The following SLC5A4 variants were observed in gnomAD, a reference collection of about 807,000 sequenced individuals.
The protein encoded by SLC5A4 is solute carrier family 5 member 4.
In SLC5A4, 55 loss-of-function variants were observed where a neutral mutation model predicts 70.3. The observed-to-expected ratio is 0.78, with a 90% CI of 0.63 to 0.98. The LOEUF is 0.98. Ranked by LOEUF, SLC5A4 falls within the 50% of genes least tolerant of loss-of-function variation. The pLI, the probability that SLC5A4 is intolerant of heterozygous loss-of-function variation, is 0.00. For synonymous variants in SLC5A4, 268 were observed against 305.7 expected (o/e 0.88, Z 1.29); for missense variants, 735 against 839.2 (o/e 0.88, Z 1.53).
chr22:32,313,724 T>G, the SLC5A4 span, among the ~76,000 whole-genome samples: 1 of 152,192 alleles, frequency 6.6e-6, no homozygotes, highest in Non-Finnish European at 1.5e-5. Flanking sequence ...CACAACTACT[T>G]ACCTTCCCAG....
chr22:32,263,142 A>C, the SLC5A4 span, among the ~76,000 whole-genome samples: 1 of 151,728 alleles, frequency 6.6e-6, no homozygotes, highest in African/African-American at 2.4e-5. Flanking sequence ...AGTAGCTACA[A>C]GCATACACCA....
the SLC5A4 span, among the ~76,000 whole-genome samples, chr22:32,346,610 T>G: frequency 7.3e-6 from 1 of 136,546 alleles, no homozygotes; most frequent in Non-Finnish European, 1.5e-5. Context: ...GGGAAAGGAT[T>G]CCTTATTTAA....
the SLC5A4 span, among the ~76,000 whole-genome samples, chr22:32,304,122 G>A: frequency 6.6e-6 from 1 of 152,044 alleles, no homozygotes; most frequent in South Asian, 2.1e-4. Flanking sequence ...TTTTAATCAC[G>A]TTGTTTCCTT....
intron 5 of SLC5A4, among the ~76,000 whole-genome samples, chr22:32,242,503 T>A (rs1419723404): frequency 2.0e-5 from 3 of 151,700 alleles, no homozygotes; most frequent in African/African-American, 7.3e-5. Flanking sequence ...AGATCAGGAG[T>A]TCGAGACCAG....
At chr22:32,313,115 A>C in the SLC5A4 span, among the ~76,000 whole-genome samples, 1 of 152,240 alleles carries the variant, frequency 6.6e-6, no homozygotes, top group Non-Finnish European at 1.5e-5. Flanking sequence ...ATTGTGGATA[A>C]CTTACATAGA....
At chr22:32,264,260 T>C in the SLC5A4 span, among the ~76,000 whole-genome samples, 1,869 of 152,254 alleles carry the variant, frequency 0.012, 21 homozygotes, top group Non-Finnish European at 0.016. Flanking sequence ...TCTTTTTTTA[T>C]ATTAGAGAAT....
At chr22:32,289,330 C>T in the SLC5A4 span, among the ~76,000 whole-genome samples, 2 of 152,198 alleles carry the variant, frequency 1.3e-5, no homozygotes, top group African/African-American at 4.8e-5. Context: ...TCACCCAAAT[C>T]TCACCTTGAA....
chr22:32,289,314 G>GT, the SLC5A4 span, among the ~76,000 whole-genome samples: 1 of 152,120 alleles, frequency 6.6e-6, no homozygotes, highest in African/African-American at 2.4e-5. Context: ...GTTTGGCTCT[G>GT]TGTCCTCACC....
At chr22:32,319,346 C>A in the SLC5A4 span, among the ~76,000 whole-genome samples, 2 of 151,880 alleles carry the variant, frequency 1.3e-5, no homozygotes, top group Admixed American at 6.6e-5. Context: ...GGAACTCACA[C>A]CATCAGCTCT....
the SLC5A4 span, among the ~76,000 whole-genome samples, chr22:32,309,468 A>G: frequency 1.3e-5 from 2 of 152,178 alleles, no homozygotes; most frequent in African/African-American, 2.4e-5. Flanking sequence ...TTGAGTTGCT[A>G]AAAACCGGTA....
intron 5 of SLC5A4, among the ~76,000 whole-genome samples, chr22:32,239,606 A>C (rs1926384187): frequency 8.6e-6 from 1 of 115,930 alleles, no homozygotes; most frequent in African/African-American, 3.3e-5. Flanking sequence ...ATTATATAAA[A>C]TATATGTATA....
Position 32,231,145 on chromosome 22 carries a change from G to GA in SLC5A4, c.1022-71dup. 1.1e-5 allele frequency: 10 copies of GA among 890,058 alleles called. 1 individual carries two copies. In the South Asian group the frequency reaches 1.4e-4, roughly 12 times the overall value. The allele number at this position is 890,058 out of a possible 1,614,324, so 55.1% of individuals were successfully genotyped here. On this transcript the variant is annotated intron_variant, in intron 9 of 14. Coordinates refer to ENST00000266086, the MANE Select transcript of SLC5A4 (RefSeq NM_014227.3). Reference sequence around the variant, plus strand: ...AAAACCAACAACCATTAAACAAAGAGAAAAGTTGAAAGATCATAAGGAAGG... The same window carrying GA: ...AAAACCAACAACCATTAAACAAAGAGAAAAAGTTGAAAGATCATAAGGAAGG...
the SLC5A4 span, chr22:32,269,926 A>G: frequency 3.7e-6 from 2 of 542,110 alleles, no homozygotes; most frequent in Middle Eastern, 3.0e-4. This position sits in a 1 kb window ranked among gnomAD's most constrained non-coding sequence, Gnocchi z 4.1. Flanking sequence ...CCTCACCACC[A>G]GCATGGTCAC....
intron 14 of SLC5A4, among the ~76,000 whole-genome samples, chr22:32,219,214 G>A (rs1924906219): frequency 6.6e-6 from 1 of 152,140 alleles, no homozygotes; most frequent in South Asian, 2.1e-4. Context: ...GTGGAAACAG[G>A]CACTCTTCTA....
chr22:32,328,385 G>A, the SLC5A4 span, among the ~76,000 whole-genome samples: 1 of 152,104 alleles, frequency 6.6e-6, no homozygotes, highest in African/African-American at 2.4e-5. Flanking sequence ...GAAGTGACAG[G>A]CATGGGATGT....
the SLC5A4 span, among the ~76,000 whole-genome samples, chr22:32,325,614 TAGA>T: frequency 6.6e-6 from 1 of 152,190 alleles, no homozygotes; most frequent in Non-Finnish European, 1.5e-5. Flanking sequence ...GGAGTTGACA[TAGA>T]AGATCATTCC....
the SLC5A4 span, chr22:32,270,170 G>A: frequency 1.5e-5 from 10 of 648,568 alleles, no homozygotes; most frequent in African/African-American, 7.1e-5. Flanking sequence ...ACGCCCAGTC[G>A]GGCACACAGC....
intron 5 of SLC5A4, among the ~76,000 whole-genome samples, chr22:32,239,545 T>TATAA (rs1926301299): frequency 8.0e-5 from 1 of 12,498 alleles, no homozygotes; most frequent in Non-Finnish European, 1.2e-4. Flanking sequence ...TATATATATA[T>TATAA]ATATATATAT....
chr22:32,333,569 G>A, the SLC5A4 span, among the ~76,000 whole-genome samples: 1 of 152,022 alleles, frequency 6.6e-6, no homozygotes, highest in South Asian at 2.1e-4. Flanking sequence ...CTGATCATCG[G>A]CTCCTGGTCC....
Sources: gnomAD v4.1 joint callset for allele counts (sites outside exome capture counted in the v4.1 genomes callset) on GRCh38, gnomAD v4.1.1 for gene constraint, Gnocchi (gnomAD v3.1) non-coding constraint, MANE v1.5 for transcripts, NCBI Gene and HGNC (gene_info 2026-07-23, HGNC 2026-07-21) for gene names.